GULP1: variants seen among roughly 807,000 people sequenced by gnomAD.
GULP1 encodes GULP PTB domain containing engulfment adaptor 1, also known as PTB domain-containing engulfment adapter protein 1.
A neutral mutation model predicts 40.9 loss-of-function variants in GULP1; 19 were observed. The ratio of observed to expected loss-of-function variants is 0.46; its 90% CI spans 0.32 to 0.68. GULP1 has a LOEUF of 0.68. Ranked by LOEUF, GULP1 falls within the 30% of genes least tolerant of loss-of-function variation. The probability of loss-of-function intolerance (pLI) is 0.03; values close to 1 mark genes in which losing one functional copy is unlikely to be tolerated. For synonymous variants in GULP1, 119 were observed against 117.6 expected (o/e 1.01, Z -0.08); for missense variants, 312 against 362.2 (o/e 0.86, Z 1.12).
In GULP1 at chr2:188,530,167, G is replaced by A. The variant is rs144492753; in HGVS notation, c.261+972G>A. ...TTATTTACATACTAGTTAGGTTGCA[G>A]TTTGTTGTATAGGAACTCAAAATAC... is the stretch of plus-strand genomic sequence containing the variant. On this transcript the variant is annotated intron_variant, in intron 6 of 11. Coordinates refer to ENST00000409830, the MANE Select transcript of GULP1 (RefSeq NM_016315.4). Among the ~76,000 whole-genome samples, 18 of 152,264 alleles carry A rather than the reference G, an allele frequency of 1.2e-4. No individual in the cohort carries two copies. The East Asian group carries it at 3.5e-3, about 29-fold the overall frequency.
rs553508778 is a variant in GULP1, at chr2:188,427,137, A to G, written c.-45+43248A>G. Among the ~76,000 whole-genome samples the G allele has an allele frequency of 5.3e-5, 8 of 152,326 alleles. No individual in the cohort carries two copies. In the East Asian group the frequency reaches 9.6e-4, roughly 18 times the overall value. ...AAATTTCTAAGGAGCAAAGTGTTCA[A>G]AATGTAACCTGGCTACCTCTACTAG... On this transcript the variant is annotated intron_variant, in intron 2 of 11. Transcript: ENST00000409830.
chr2:188,472,064 T>C (rs1271602138), intron 2 of GULP1, among the ~76,000 whole-genome samples: 1 of 152,236 alleles, frequency 6.6e-6, no homozygotes, highest in African/African-American at 2.4e-5. Context: ...AAGATTTTTT[T>C]CCTTTAGCAG....
chr2:188,583,913 T>G (rs990942823), intron 9 of GULP1, among the ~76,000 whole-genome samples: 1 of 152,230 alleles, frequency 6.6e-6, no homozygotes, highest in African/African-American at 2.4e-5. Flanking sequence ...TTTACATGAA[T>G]AGTTTCTAAT....
chr2:188,387,931 C>T (rs1397369241), intron 2 of GULP1, among the ~76,000 whole-genome samples: 1 of 151,550 alleles, frequency 6.6e-6, no homozygotes, highest in Non-Finnish European at 1.5e-5. Context: ...GCACAATGTG[C>T]AGGTTAGTTA....
intron 1 of GULP1, among the ~76,000 whole-genome samples, chr2:188,342,493 CAA>C (rs2043106709): frequency 6.6e-6 from 1 of 152,098 alleles, no homozygotes. Context: ...AGTACATCTA[CAA>C]AGAGACTATT....
At chr2:188,328,011 G>C (rs2041006687) in intron 1 of GULP1, among the ~76,000 whole-genome samples, 1 of 152,080 alleles carries the variant, frequency 6.6e-6, no homozygotes, top group African/African-American at 2.4e-5. Context: ...TACATACCAA[G>C]AGGTCATTTT....
intron 4 of GULP1, among the ~76,000 whole-genome samples, chr2:188,520,549 G>C (rs544329587): frequency 2.9e-5 from 4 of 140,000 alleles, no homozygotes; most frequent in African/African-American, 1.1e-4. Flanking sequence ...AAAAAAAAAA[G>C]TAACTGTTGT....
At chr2:188,514,153 C>T (rs946021961) in intron 4 of GULP1, among the ~76,000 whole-genome samples, 1 of 151,298 alleles carries the variant, frequency 6.6e-6, no homozygotes, top group Non-Finnish European at 1.5e-5. Context: ...GGGCAAGGCT[C>T]CTGCCACCTG....
chr2:188,525,575 A>C (rs896607527), intron 5 of GULP1, among the ~76,000 whole-genome samples: 1 of 151,312 alleles, frequency 6.6e-6, no homozygotes, highest in Non-Finnish European at 1.5e-5. Context: ...AATGTATTTC[A>C]TACACAATTT....
chr2:188,587,891 T>G lies in GULP1; in HGVS notation c.785T>G (p.Phe262Cys), dbSNP rs367867124. The G allele has an allele frequency of 6.2e-7, 1 of 1,611,042 alleles. No individual in the cohort carries two copies. Among genetic ancestry groups the G allele is most frequent in the Non-Finnish European group, 8.5e-7 (1 of 1,177,422 alleles). The stretch of plus-strand genomic sequence containing the variant: ...TTTGGAGCAGAACCTTTTGACCCAT[T>G]TAACTGTGGAGCAGCAGATTTCCCT... ...DLFGAEPFDP[F>C]NCGAADFPPD... The change falls in exon 11 of 12, where the codon TTT becomes TGT. Residue 262 changes from phenylalanine to cysteine, a missense_variant. Coordinates refer to ENST00000409830, the MANE Select transcript of GULP1 (RefSeq NM_016315.4).
chr2:188,450,737 T>G (rs1184438989), intron 2 of GULP1, among the ~76,000 whole-genome samples: 1 of 152,160 alleles, frequency 6.6e-6, no homozygotes, highest in Non-Finnish European at 1.5e-5. Flanking sequence ...TCCCGTTTAT[T>G]AAGTGCATTT....
At chr2:188,457,397 A>G (rs956521745) in intron 2 of GULP1, among the ~76,000 whole-genome samples, 1 of 152,132 alleles carries the variant, frequency 6.6e-6, no homozygotes, top group Non-Finnish European at 1.5e-5. Flanking sequence ...TGTTCTCATG[A>G]TAGTGAATGA....
chr2:188,322,395 C>T (rs1010727537), intron 1 of GULP1, among the ~76,000 whole-genome samples: 1 of 151,888 alleles, frequency 6.6e-6, no homozygotes, highest in Non-Finnish European at 1.5e-5. Flanking sequence ...TTGTCCTATT[C>T]TCATGGCATG....
chr2:188,470,131 T>C (rs937403662), intron 2 of GULP1, among the ~76,000 whole-genome samples: 2 of 152,134 alleles, frequency 1.3e-5, no homozygotes, highest in African/African-American at 4.8e-5. Flanking sequence ...TTGGGTAGTA[T>C]TGGTATTAAT....
At chr2:188,481,868 T>C (rs1418794247) in intron 3 of GULP1, among the ~76,000 whole-genome samples, 1 of 151,992 alleles carries the variant, frequency 6.6e-6, no homozygotes, top group East Asian at 1.9e-4. Flanking sequence ...TATTGTGATT[T>C]ACTTCTTTTA....
intron 1 of GULP1, among the ~76,000 whole-genome samples, chr2:188,318,403 C>T (rs1249373188): frequency 2.6e-5 from 4 of 152,040 alleles, no homozygotes; most frequent in Non-Finnish European, 4.4e-5. Flanking sequence ...ACAAAAATGT[C>T]AATAAAATTC....
chr2:188,493,066 G>A (rs141300909), intron 4 of GULP1, among the ~76,000 whole-genome samples: 189 of 152,092 alleles, frequency 1.2e-3, no homozygotes, highest in East Asian at 0.01. Flanking sequence ...ATATTGAAAT[G>A]CATTCAGATA....
chr2:188,378,535 C>T (rs777971843), intron 1 of GULP1, among the ~76,000 whole-genome samples: 2 of 152,080 alleles, frequency 1.3e-5, no homozygotes, highest in South Asian at 2.1e-4. Context: ...AAGCTATATA[C>T]GACACATGGT....
intron 7 of GULP1, among the ~76,000 whole-genome samples, chr2:188,547,338 G>T (rs2153358682): frequency 6.6e-6 from 1 of 151,798 alleles, no homozygotes; most frequent in South Asian, 2.1e-4. Flanking sequence ...TATTAGTCAG[G>T]GTTCTCTAGA....
Sources: gnomAD v4.1 joint callset for allele counts (sites outside exome capture counted in the v4.1 genomes callset) on GRCh38, gnomAD v4.1.1 for gene constraint, MANE v1.5 for transcripts, NCBI Gene and HGNC (gene_info 2026-07-23, HGNC 2026-07-21) for gene names.